The following OBSL1 variants were observed in gnomAD, a reference collection of about 807,000 sequenced individuals.
OBSL1 encodes the protein obscurin like cytoskeletal adaptor 1.
In OBSL1, 160 loss-of-function variants were observed where a neutral mutation model predicts 172.0. The observed-to-expected ratio is 0.93, with a 90% CI of 0.82 to 1.06. The LOEUF (loss-of-function observed/expected upper bound fraction) is 1.06. Ranked by LOEUF, OBSL1 falls within the 50% of genes least tolerant of loss-of-function variation. The pLI, the probability that OBSL1 is intolerant of heterozygous loss-of-function variation, is 0.00. For missense variants in OBSL1, 2,681 were observed against 2,715.4 expected (o/e 0.99, Z 0.28); for synonymous variants, 1,200 against 1,196.3 (o/e 1.00, Z -0.06).
chr2:219,548,502 GAT>G (rs1559127617), downstream of OBSL1, among the ~76,000 whole-genome samples: 1 of 152,192 alleles, frequency 6.6e-6, no homozygotes, highest in Non-Finnish European at 1.5e-5. Flanking sequence ...TGAAGGAGGT[GAT>G]ATGTAAGCAG....
chr2:219,570,973 C>T lies in OBSL1; in HGVS notation c.260G>A (p.Arg87His), dbSNP rs1461070020. The change falls in exon 1 of 21, where the codon CGC becomes CAC. Residue 87 changes from arginine (R) to histidine (H), a missense_variant. Transcript: ENST00000404537. ...TDAGVYVCRA[R>H]NAAGEAYAAA... ...CGCGTAGGCCTCGCCGGCCGCGTTG[C>T]GGGCGCGGCACACGTAGACCCCCGC... 7 of 1,289,076 alleles carry T rather than the reference C, an allele frequency of 5.4e-6. No individual in the cohort carries two copies. The South Asian group carries it at 1.1e-4, about 20-fold the overall frequency. The allele number at this position is 1,289,076 out of a possible 1,614,324, so 79.9% of individuals were successfully genotyped here.
chr2:219,557,863 G>A lies in OBSL1; in HGVS notation c.3750C>T (p.Ala1250=). The A allele has an allele frequency of 1.9e-6, 3 of 1,600,998 alleles. No homozygotes were observed. Among genetic ancestry groups the A allele is most frequent in the Non-Finnish European group, 2.5e-6 (3 of 1,179,536 alleles). ...AGLYTCQSGA[A]PGAPSLSFTV... ...TGAAGCTGAGGCTTGGGGCTCCGGG[G>A]GCTGCTCCAGACTGGCAGGTGTAGA... Residue 1250 remains alanine (A), a synonymous_variant, in exon 11 of 21, where the codon GCC becomes GCT. Transcript: ENST00000404537.
In OBSL1 at chr2:219,556,535, G is replaced by A. The variant is rs759039169; in HGVS notation, c.4255C>T (p.Arg1419Ter). 9 of 1,613,788 alleles carry A rather than the reference G, an allele frequency of 5.6e-6. No homozygotes were observed. The highest frequency in any genetic ancestry group is 4.0e-5 in the African/African-American group (3 of 74,904). Residue 1419 changes from arginine to a stop codon, truncating the protein, a stop_gained, in exon 13 of 21, where the codon CGA (arginine) becomes TGA (stop). Transcript: ENST00000404537. LOFTEE classifies it high-confidence loss of function. ...QNGSSRILTL[R>*]GCQLGDAGTV... is the part of the protein sequence containing the mutation. ...CCTGCATCCCCCAGTTGGCAGCCTC[G>A]CAAGGTTAAGATGCGGCTTGAACCA...
chr2:219,557,222 T>C (rs151271719), intron 12 of OBSL1, 121 bp downstream of exon 12: 2 of 960,654 alleles, frequency 2.1e-6, no homozygotes, highest in East Asian at 2.7e-5. Context: ...GTGATGGTCA[T>C]GCACGCACTG....
chr2:219,551,664 G>A lies in OBSL1; in HGVS notation c.5548C>T (p.Pro1850Ser). The A allele has an allele frequency of 6.2e-7, 1 of 1,611,418 alleles. No individual in the cohort carries two copies. The change falls in exon 20 of 21, where the codon CCG becomes TCG. Residue 1850 changes from proline to serine, a missense_variant. This residue lies in a region of OBSL1 where 1,765 missense variants were observed against 1,748.3 expected (regional missense o/e 1.01). Coordinates refer to ENST00000404537, the MANE Select transcript of OBSL1 (RefSeq NM_015311.3). ...CTGCGCATCTCATACTTATCTCCCG[G>A]GCACAGCTCGGCCCCCTCCCGCAGC... ...CWLREGAELC[P>S]GDKYEMRSHG...
chr2:219,551,105 T>TGACATGGAAC (rs1344663535), intron 20 of OBSL1: 1 of 1,409,432 alleles, frequency 7.1e-7, no homozygotes, highest in African/African-American at 1.4e-5. Context: ...AGAAAGAGGC[T>TGACATGGAAC]TCTGCCAAGG....
At chr2:219,549,989 G>C, downstream of OBSL1, 1 of 1,225,786 alleles carries the variant, frequency 8.2e-7, no homozygotes, top group Non-Finnish European at 1.1e-6. Context: ...CACTAGAAGG[G>C]AGGATTGTCT....
chr2:219,570,875 A>T lies in OBSL1; in HGVS notation c.358T>A (p.Ser120Thr). The change falls in exon 1 of 21, where the codon TCG becomes ACG. Residue 120 changes from serine (S) to threonine (T), a missense_variant. Ser to Thr is a moderately conservative substitution (Grantham distance 58, BLOSUM62 1). Coordinates refer to ENST00000404537, the MANE Select transcript of OBSL1 (RefSeq NM_015311.3). ...GGGGCGCCCTCCCCGGACCCCGGCG[A>T]TGGCAGCGGGCGCTCGGCGGGCTGC... ...ELQPAERPLP[S>T]PGSGEGAPVF... 2.9e-6 allele frequency: 4 copies of T among 1,384,280 alleles called. No individual in the cohort carries two copies. The highest frequency in any genetic ancestry group is 3.7e-6 in the Non-Finnish European group (4 of 1,070,716). The allele number at this position is 1,384,280 out of a possible 1,614,324, so 85.7% of individuals were successfully genotyped here. A position where few individuals can be genotyped will look rare whatever the true frequency, so the allele number is the denominator to read the frequency against.
chr2:219,552,905 C>A lies in OBSL1; in HGVS notation c.5109G>T (p.Gly1703=), dbSNP rs1695740376. 1.3e-6 allele frequency: 2 copies of A among 1,540,342 alleles called. No individual in the cohort carries two copies. The highest frequency in any genetic ancestry group is 1.7e-6 in the Non-Finnish European group (2 of 1,145,232). The change falls in exon 17 of 21, where the codon GGG becomes GGT. Residue 1703 remains glycine, a synonymous_variant. Coordinates refer to ENST00000404537, the MANE Select transcript of OBSL1 (RefSeq NM_015311.3). ...GGCGGACCGGTCCGGCGCGGGCCGT[C>A]CCCACCGCGCAGCTGTAGGTCCCGG... ...SDAGTYSCAV[G]TARAGPVRLT...
intron 12 of OBSL1, chr2:219,557,068 G>A (rs567629695): frequency 3.2e-4 from 153 of 480,426 alleles, no homozygotes; most frequent in Non-Finnish European, 5.4e-4. Context: ...TGAACAACTT[G>A]GCCAATGTCA....
Position 219,562,406 on chromosome 2 carries a change from G to A in OBSL1, c.2949C>T (p.Val983=). ...GGAGCTGGGCTGGGCCCACACCTGT[G>A]ACGGTGACAGTGAAGGAGGCCGACT... ...DDESASFTVT[V]TEPPVRIIYP... Residue 983 remains valine (V), a synonymous_variant, in exon 8 of 21, where the codon GTC becomes GTT. Transcript: ENST00000404537. The A allele has an allele frequency of 6.2e-7, 1 of 1,613,388 alleles. No individual in the cohort carries two copies. Among genetic ancestry groups the A allele is most frequent in the Non-Finnish European group, 8.5e-7 (1 of 1,179,572 alleles).
At chr2:219,552,079 A>G in intron 19 of OBSL1, 33 bp downstream of exon 19, 1 of 1,525,394 alleles carries the variant, frequency 6.6e-7, no homozygotes, top group Non-Finnish European at 9.0e-7. Context: ...GACAGGATGT[A>G]CACTCTCTGT....
chr2:219,564,815 C>T (rs1219932545), intron 6 of OBSL1, among the ~76,000 whole-genome samples: 1 of 152,154 alleles, frequency 6.6e-6, no homozygotes, highest in Non-Finnish European at 1.5e-5. Context: ...GTGGCTCATA[C>T]CTATAATCCC....
Position 219,571,044 on chromosome 2 carries a change from G to C in OBSL1, c.189C>G (p.Asp63Glu), listed in dbSNP as rs886055668. 2 of 1,458,280 alleles carry C rather than the reference G, an allele frequency of 1.4e-6. No individual in the cohort carries two copies. The highest frequency in any genetic ancestry group is 1.9e-4 in the Middle Eastern group (1 of 5,368). The allele number at this position is 1,458,280 out of a possible 1,614,324, so 90.3% of individuals were successfully genotyped here. A position where few individuals can be genotyped will look rare whatever the true frequency, so the allele number is the denominator to read the frequency against. The stretch of plus-strand genomic sequence containing the variant: ...TCAGCAGCAGGCCGTGCTCCGCGCC[G>C]TCCGCCGGGAAGCTCAGGCGTTCCG... ...AASERLSFPA[D>E]GAEHGLLLTA... The change falls in exon 1 of 21, where the codon GAC (aspartate) becomes GAG (glutamate). Residue 63 changes from aspartate (D) to glutamate (E), a missense_variant. By Grantham distance (45) the Asp-to-Glu change is conservative. This residue lies in a region of OBSL1 where 67 missense variants were observed against 109.3 expected (regional missense o/e 0.61). Coordinates refer to ENST00000404537, the MANE Select transcript of OBSL1 (RefSeq NM_015311.3).
rs1227698374 is a variant in OBSL1 at position 219,566,854 on chromosome 2, C to T, written c.2110G>A (p.Asp704Asn). 2 of 1,594,042 alleles carry T rather than the reference C, an allele frequency of 1.3e-6. No individual in the cohort carries two copies. Among genetic ancestry groups the T allele is most frequent in the East Asian group, 2.3e-5 (1 of 44,426 alleles). The change falls in exon 5 of 21, where the codon GAC (aspartate) becomes AAC (asparagine). Residue 704 changes from aspartate (D) to asparagine (N), a missense_variant. Physicochemically the swap from Asp to Asn is conservative, Grantham distance 23. This residue lies in a region of OBSL1 where 1,765 missense variants were observed against 1,748.3 expected (regional missense o/e 1.01). Transcript: ENST00000404537. Reference protein sequence around the residue: ...LVGFSCPGVQDSAALTIQESP... With the variant: ...LVGFSCPGVQNSAALTIQESP... Reference sequence around the variant, plus strand: ...CCTTGGATTGTGAGGGCAGCTGAGTCCTGCACGCCGGGGCAGCTGAAGCCG... The same window carrying T: ...CCTTGGATTGTGAGGGCAGCTGAGTTCTGCACGCCGGGGCAGCTGAAGCCG...
At chr2:219,548,945 A>G, downstream of OBSL1, 1 of 593,782 alleles carries the variant, frequency 1.7e-6, no homozygotes, top group Admixed American at 3.1e-5. Context: ...GCAACCTTCC[A>G]TAAAGACCTA....
At chr2:219,548,168 G>C, downstream of OBSL1, 1 of 1,224,494 alleles carries the variant, frequency 8.2e-7, no homozygotes, top group Non-Finnish European at 1.1e-6. Context: ...GTGGGGGACA[G>C]CAGCAGAAGG....
At chr2:219,548,975 C>T (rs1286646610), downstream of OBSL1, 6 of 645,776 alleles carry the variant, frequency 9.3e-6, no homozygotes, top group African/African-American at 1.8e-5. Flanking sequence ...AGAACAACAG[C>T]GGGAAGTCTC....
At chr2:219,554,437 C>G (rs1695851474) in intron 15 of OBSL1, 37 bp downstream of exon 15, 1 of 1,605,176 alleles carries the variant, frequency 6.2e-7, no homozygotes, top group African/African-American at 1.3e-5. Flanking sequence ...TAGGGCCACA[C>G]AGGTCAGCAG....
Sources: allele counts gnomAD v4.1 joint callset (sites outside exome capture counted in the v4.1 genomes callset), GRCh38; gene constraint gnomAD v4.1.1; regional missense constraint gnomAD v4.1.1; transcripts MANE v1.5; gene names NCBI Gene and HGNC (gene_info 2026-07-23, HGNC 2026-07-21).